Variants in UGT1A8 observed in about 807,000 individuals in gnomAD.
The protein encoded by UGT1A8 is UDP-glucuronosyltransferase 1A8.
UGT1A8 carries 39 observed loss-of-function variants against 45.3 expected under a neutral mutation model. The ratio of observed to expected loss-of-function variants is 0.86; its 90% CI spans 0.67 to 1.12. UGT1A8 has a LOEUF of 1.12. Among genes scored for constraint, UGT1A8 ranks in the 50% most tolerant of loss-of-function variants. The probability of loss-of-function intolerance (pLI) is 0.00; values close to 1 mark genes in which losing one functional copy is unlikely to be tolerated. For missense variants in UGT1A8, 719 were observed against 664.9 expected, an observed-to-expected ratio of 1.08 and a Z score of -0.90; for synonymous variants, 275 against 249.2, an observed-to-expected ratio of 1.10 and a Z score of -0.97.
chr2:233,718,979 C>T (rs143900667), intron 1 of UGT1A8: 39 of 1,614,108 alleles, frequency 2.4e-5, no homozygotes, highest in Non-Finnish European at 3.2e-5. Flanking sequence ...AGCTCCATGC[C>T]AGAGGCCACC....
intron 1 of UGT1A8, chr2:233,718,729 G>A: frequency 6.2e-7 from 1 of 1,611,182 alleles, no homozygotes; most frequent in African/African-American, 1.3e-5. Flanking sequence ...GATTTGCTAG[G>A]TGGCTCAATG....
chr2:233,709,621 T>A (rs1424178540), intron 1 of UGT1A8, among the ~76,000 whole-genome samples: 1 of 152,210 alleles, frequency 6.6e-6, no homozygotes, highest in Non-Finnish European at 1.5e-5. Context: ...TATAGGTGTT[T>A]TGCTGTGAGT....
intron 1 of UGT1A8, among the ~76,000 whole-genome samples, chr2:233,659,147 T>G (rs1256677861): frequency 6.6e-6 from 1 of 152,216 alleles, no homozygotes; most frequent in Admixed American, 6.5e-5. Flanking sequence ...TTGATCAGAT[T>G]TATCCCTAAG....
chr2:233,667,432 G>C (rs2074101781), intron 1 of UGT1A8, among the ~76,000 whole-genome samples: 1 of 152,146 alleles, frequency 6.6e-6, no homozygotes, highest in African/African-American at 2.4e-5. Context: ...AAAAACCCTA[G>C]AAGAAAACCT....
chr2:233,717,316 T>A (rs2076563211), intron 1 of UGT1A8, among the ~76,000 whole-genome samples: 1 of 152,198 alleles, frequency 6.6e-6, no homozygotes, highest in African/African-American at 2.4e-5. Context: ...TTTCTAGCAC[T>A]CTGTGTCCTC....
chr2:233,713,466 G>A, intron 1 of UGT1A8: 1 of 1,614,064 alleles, frequency 6.2e-7, no homozygotes, highest in Non-Finnish European at 8.5e-7. Flanking sequence ...CCTCTGCGCG[G>A]CGGTGCTGGC....
intron 1 of UGT1A8, among the ~76,000 whole-genome samples, chr2:233,642,889 T>A (rs774647217): frequency 7.4e-5 from 11 of 149,258 alleles, no homozygotes; most frequent in Non-Finnish European, 1.3e-4. Context: ...TCTCTCTCAC[T>A]CTCTCTCTCT....
chr2:233,682,045 C>T (rs376446155), intron 1 of UGT1A8: 11 of 1,613,974 alleles, frequency 6.8e-6, no homozygotes, highest in Non-Finnish European at 8.5e-6. Flanking sequence ...TGGATGGGAG[C>T]CACTGGTTCA....
chr2:233,718,782 C>A (rs199517966), intron 1 of UGT1A8: 2 of 1,612,936 alleles, frequency 1.2e-6, no homozygotes, highest in East Asian at 2.2e-5. Flanking sequence ...GCAGGCACAG[C>A]GTGGGGTGGA....
chr2:233,642,979 A>G (rs1017438253), intron 1 of UGT1A8, among the ~76,000 whole-genome samples: 3 of 152,148 alleles, frequency 2.0e-5, no homozygotes, highest in African/African-American at 7.2e-5. Flanking sequence ...CATCACCACT[A>G]TGACTGTGCT....
chr2:233,720,461 C>T (rs1003798976), intron 1 of UGT1A8, among the ~76,000 whole-genome samples: 2 of 151,944 alleles, frequency 1.3e-5, no homozygotes, highest in African/African-American at 4.8e-5. Flanking sequence ...AAGCTGGGAC[C>T]AGTGATGAAT....
chr2:233,631,163 C>T (rs1160633831), intron 1 of UGT1A8, among the ~76,000 whole-genome samples: 1 of 152,146 alleles, frequency 6.6e-6, no homozygotes, highest in Non-Finnish European at 1.5e-5. Context: ...CTGCAAAAGA[C>T]ATGAATGCAT....
chr2:233,713,342 GAAC>G, intron 1 of UGT1A8: 1 of 1,614,196 alleles, frequency 6.2e-7, no homozygotes, highest in Non-Finnish European at 8.5e-7. Context: ...TGGCAATTAT[GAAC>G]AATATGTCTT....
intron 1 of UGT1A8, chr2:233,682,690 G>T: frequency 3.1e-6 from 5 of 1,613,814 alleles, no homozygotes; most frequent in Non-Finnish European, 4.2e-6. Context: ...CATCAATTTG[G>T]TTGTTGCGAA....
At chr2:233,637,434 G>A (rs2073327386) in intron 1 of UGT1A8, 9 of 1,540,464 alleles carry the variant, frequency 5.8e-6, no homozygotes, top group African/African-American at 1.4e-5. Flanking sequence ...AATTAAAAAA[G>A]GATTCCTTAC....
intron 1 of UGT1A8, chr2:233,743,546 C>G: frequency 7.3e-7 from 1 of 1,367,310 alleles, no homozygotes; most frequent in Non-Finnish European, 9.8e-7. Flanking sequence ...CTCTGACCCC[C>G]CCAAAATATT....
At chr2:233,687,497 C>T (rs1471270265) in intron 1 of UGT1A8, among the ~76,000 whole-genome samples, 1 of 147,862 alleles carries the variant, frequency 6.8e-6, no homozygotes, top group Non-Finnish European at 1.5e-5. Context: ...GATGATGAAA[C>T]TGAGGCACAG....
At chr2:233,651,235 C>T (rs1212928005) in intron 1 of UGT1A8, among the ~76,000 whole-genome samples, 1 of 152,126 alleles carries the variant, frequency 6.6e-6, no homozygotes, top group African/African-American at 2.4e-5. Flanking sequence ...TCACCCTCTA[C>T]CCAGTTGTGG....
intron 1 of UGT1A8, among the ~76,000 whole-genome samples, chr2:233,624,973 G>C (rs1320374094): frequency 6.6e-6 from 1 of 152,062 alleles, no homozygotes; most frequent in Non-Finnish European, 1.5e-5. Context: ...ATGTGGGAAT[G>C]AAGGGGACCA....
Sources: allele counts gnomAD v4.1 joint callset (sites outside exome capture counted in the v4.1 genomes callset), GRCh38; gene constraint gnomAD v4.1.1; transcripts MANE v1.5; gene names NCBI Gene and HGNC (gene_info 2026-07-23, HGNC 2026-07-21).